The following LRRC53 variants were observed in gnomAD, a reference collection of about 807,000 sequenced individuals.
LRRC53 encodes the protein leucine rich repeat containing 53, also known as leucine-rich repeat-containing protein 53.
In LRRC53, 25 loss-of-function variants were observed where a neutral mutation model predicts 13.6. The observed-to-expected ratio is 1.83, with a 90% CI of 1.34 to 2.56. The LOEUF is 2.56. Ranked by LOEUF, LRRC53 falls within the 30% of genes most tolerant of loss-of-function variation. The probability of loss-of-function intolerance (pLI) is 0.00; values close to 1 mark genes in which losing one functional copy is unlikely to be tolerated. For missense variants in LRRC53, 527 were observed against 275.8 expected, an observed-to-expected ratio of 1.91 and a Z score of -6.45; for synonymous variants, 204 against 109.8, an observed-to-expected ratio of 1.86 and a Z score of -5.37.
At chr1:74,529,647 A>G in the LRRC53 span, among the ~76,000 whole-genome samples, 2 of 152,244 alleles carry the variant, frequency 1.3e-5, no homozygotes, top group African/African-American at 4.8e-5. Context: ...TTGGAAATAC[A>G]CTAAAGTATT....
intron 3 of LRRC53, 79 bp downstream of exon 3, chr1:74,480,074 A>G: frequency 1.6e-6 from 1 of 630,658 alleles, no homozygotes; most frequent in East Asian, 2.7e-5. Flanking sequence ...CAAGTGTCTG[A>G]GATAAGCATC....
intron 1 of LRRC53, among the ~76,000 whole-genome samples, chr1:74,484,394 G>A (rs1668650428): frequency 6.6e-6 from 1 of 152,038 alleles, no homozygotes; most frequent in Non-Finnish European, 1.5e-5. Flanking sequence ...CATAGAGCAG[G>A]GGCTGACAAG....
intron 3 of LRRC53, among the ~76,000 whole-genome samples, chr1:74,479,916 A>C (rs896345957): frequency 6.6e-6 from 1 of 152,268 alleles, no homozygotes; most frequent in Non-Finnish European, 1.5e-5. Context: ...TATTTATACC[A>C]GGGCTGGAGC....
intron 1 of LRRC53, among the ~76,000 whole-genome samples, chr1:74,502,021 G>T (rs72675337): frequency 6.6e-6 from 1 of 151,786 alleles, no homozygotes; most frequent in Non-Finnish European, 1.5e-5. Context: ...GAAGATTTTG[G>T]CTTTATACAG....
intron 1 of LRRC53, among the ~76,000 whole-genome samples, chr1:74,505,940 G>T (rs1479404181): frequency 6.6e-6 from 1 of 152,128 alleles, no homozygotes; most frequent in African/African-American, 2.4e-5. Context: ...GTGGATATAT[G>T]TTTGCCACCC....
the LRRC53 span, among the ~76,000 whole-genome samples, chr1:74,522,326 A>G: frequency 6.6e-6 from 1 of 152,148 alleles, no homozygotes; most frequent in African/African-American, 2.4e-5. Flanking sequence ...GCAAATGTGC[A>G]TAAATAAAGG....
intron 4 of LRRC53, 43 bp downstream of exon 4, chr1:74,475,252 A>T (rs971594792): frequency 8.1e-6 from 5 of 614,124 alleles, no homozygotes; most frequent in African/African-American, 7.4e-5. Context: ...TCCTTCAAAA[A>T]GAATTAAACG....
intron 1 of LRRC53, among the ~76,000 whole-genome samples, chr1:74,496,841 C>G (rs1348131202): frequency 6.6e-6 from 1 of 152,140 alleles, no homozygotes; most frequent in Non-Finnish European, 1.5e-5. Context: ...GAAATCCCAT[C>G]TTGTACATGG....
the LRRC53 span, among the ~76,000 whole-genome samples, chr1:74,522,526 T>C: frequency 6.6e-6 from 1 of 152,244 alleles, no homozygotes; most frequent in Non-Finnish European, 1.5e-5. Flanking sequence ...ATAGAAGACC[T>C]ACTCCTGAGG....
the LRRC53 span, among the ~76,000 whole-genome samples, chr1:74,521,600 T>C: frequency 6.6e-6 from 1 of 152,156 alleles, no homozygotes; most frequent in Admixed American, 6.6e-5. Flanking sequence ...TCTGCGTTCC[T>C]TTATTTAGCA....
rs113855412 is a variant in LRRC53 at position 74,471,783 on chromosome 1, A to C, written c.1839T>G (p.Phe613Leu). The change falls in exon 5 of 5, where the codon TTT becomes TTG. Residue 613 changes from phenylalanine to leucine, a missense_variant. Phe to Leu is a conservative substitution (Grantham distance 22, BLOSUM62 0). Transcript: ENST00000294635. ...QIQINSAIEK[F>L]LMSEDNIDLS... Reference sequence around the variant, plus strand: ...AATCTATGTTGTCCTCACTCATAAGAAATTTTTCTATTGCACTGTTAATTT... The same window carrying C: ...AATCTATGTTGTCCTCACTCATAAGCAATTTTTCTATTGCACTGTTAATTT... 473 of 420,530 alleles carry C rather than the reference A, an allele frequency of 1.1e-3. 2 individuals carry two copies. Among genetic ancestry groups the C allele is most frequent in the African/African-American group, 9.0e-3 (440 of 49,088 alleles). The allele number at this position is 420,530 out of a possible 1,614,324, so 26.0% of individuals were successfully genotyped here.
chr1:74,498,254 C>T (rs1669435620), intron 1 of LRRC53, among the ~76,000 whole-genome samples: 1 of 152,050 alleles, frequency 6.6e-6, no homozygotes, highest in Non-Finnish European at 1.5e-5. Flanking sequence ...CCTTGACATC[C>T]CCCTTATCTT....
chr1:74,494,985 G>A (rs1178840952), intron 1 of LRRC53, among the ~76,000 whole-genome samples: 1 of 152,192 alleles, frequency 6.6e-6, no homozygotes, highest in African/African-American at 2.4e-5. Context: ...AGGGGACAGA[G>A]CTTCTCTAGC....
At chr1:74,516,823 C>A (rs17095497), upstream of LRRC53, among the ~76,000 whole-genome samples, 2,070 of 152,252 alleles carry the variant, frequency 0.014, 40 homozygotes, top group African/African-American at 0.045. Flanking sequence ...CAGCTTACTT[C>A]TGGGATTTTT....
At chr1:74,502,030 A>C (rs997268209) in intron 1 of LRRC53, among the ~76,000 whole-genome samples, 2 of 152,134 alleles carry the variant, frequency 1.3e-5, no homozygotes, top group Non-Finnish European at 2.9e-5. Context: ...GGCTTTATAC[A>C]GGTGTTTCTT....
intron 1 of LRRC53, among the ~76,000 whole-genome samples, chr1:74,502,032 G>T (rs1669659649): frequency 6.6e-6 from 1 of 151,998 alleles, no homozygotes; most frequent in Admixed American, 6.6e-5. Context: ...CTTTATACAG[G>T]TGTTTCTTAT....
intron 1 of LRRC53, among the ~76,000 whole-genome samples, chr1:74,488,250 A>G (rs1019273411): frequency 6.6e-6 from 1 of 152,022 alleles, no homozygotes. Flanking sequence ...GGTTTTGCTC[A>G]CTCCACTGCT....
chr1:74,534,391 A>G, the LRRC53 span, among the ~76,000 whole-genome samples: 35 of 152,282 alleles, frequency 2.3e-4, no homozygotes, highest in African/African-American at 6.0e-4. Flanking sequence ...GTCAGAAGCA[A>G]TTGTGGCACT....
the LRRC53 span, among the ~76,000 whole-genome samples, chr1:74,528,170 A>G: frequency 6.6e-6 from 1 of 152,202 alleles, no homozygotes; most frequent in Non-Finnish European, 1.5e-5. Context: ...CTGTGGTTCC[A>G]TGCAGGCTAA....
Sources: allele counts gnomAD v4.1 joint callset (sites outside exome capture counted in the v4.1 genomes callset), GRCh38; gene constraint gnomAD v4.1.1; transcripts MANE v1.5; gene names NCBI Gene and HGNC (gene_info 2026-07-23, HGNC 2026-07-21).